NREP: variants seen among roughly 807,000 people sequenced by gnomAD.
The protein encoded by NREP is neuronal regeneration related protein.
NREP carries 5 observed loss-of-function variants against 8.6 expected under a neutral mutation model. The ratio of observed to expected loss-of-function variants is 0.58; its 90% CI spans 0.30 to 1.22. The LOEUF is 1.22. Among genes scored for constraint, NREP ranks in the 50% most tolerant of loss-of-function variants. NREP has a pLI of 0.07. For missense variants in NREP, 86 were observed against 82.5 expected, an observed-to-expected ratio of 1.04 and a Z score of -0.17; for synonymous variants, 27 against 28.0, an observed-to-expected ratio of 0.96 and a Z score of 0.11.
intron 2 of NREP, among the ~76,000 whole-genome samples, chr5:111,851,115 T>G (rs548474742): frequency 7.2e-5 from 11 of 152,186 alleles, no homozygotes; most frequent in Non-Finnish European, 1.5e-4. Context: ...AGATATAGTT[T>G]CTTCTGCCTC....
At chr5:111,958,382 A>C (rs1161908545) in intron 2 of NREP, among the ~76,000 whole-genome samples, 1 of 151,988 alleles carries the variant, frequency 6.6e-6, no homozygotes, top group Non-Finnish European at 1.5e-5. Context: ...AAGAAGAAAC[A>C]AAATTGTCAC....
chr5:111,795,396 T>C (rs1751852437), intron 2 of NREP, among the ~76,000 whole-genome samples: 1 of 152,194 alleles, frequency 6.6e-6, no homozygotes, highest in South Asian at 2.1e-4. Flanking sequence ...TGGCCATCAT[T>C]TGGCAAACTC....
At chr5:111,811,611 G>A (rs995946419) in intron 2 of NREP, among the ~76,000 whole-genome samples, 2 of 152,188 alleles carry the variant, frequency 1.3e-5, no homozygotes, top group African/African-American at 4.8e-5. Flanking sequence ...GTCCAGAAGG[G>A]AGTGCTGCCC....
intron 2 of NREP, among the ~76,000 whole-genome samples, chr5:111,776,188 T>C (rs1027303784): frequency 1.3e-5 from 2 of 152,166 alleles, no homozygotes; most frequent in South Asian, 2.1e-4. Flanking sequence ...AGTAAATTCA[T>C]GTCATAATTT....
intron 2 of NREP, among the ~76,000 whole-genome samples, chr5:111,963,809 A>G (rs1249690137): frequency 1.3e-5 from 2 of 152,228 alleles, no homozygotes; most frequent in Non-Finnish European, 2.9e-5. Context: ...CATGGTCAAA[A>G]CAAGAAAAAT....
chr5:111,832,006 C>T (rs536336883), intron 2 of NREP, among the ~76,000 whole-genome samples: 9 of 152,192 alleles, frequency 5.9e-5, no homozygotes, highest in African/African-American at 1.2e-4. Flanking sequence ...GTTATAAGAA[C>T]GCTTTCTACC....
chr5:111,962,018 A>G (rs1341915643), intron 2 of NREP, among the ~76,000 whole-genome samples: 1 of 152,212 alleles, frequency 6.6e-6, no homozygotes, highest in Non-Finnish European at 1.5e-5. Flanking sequence ...TTCAGGCTCC[A>G]GTCAAGTGTT....
At chr5:111,837,451 CAT>C (rs1381714073) in intron 2 of NREP, among the ~76,000 whole-genome samples, 2 of 151,832 alleles carry the variant, frequency 1.3e-5, no homozygotes, top group African/African-American at 2.4e-5. Flanking sequence ...GAAAAAAATC[CAT>C]GAGTTGATAA....
At chr5:111,849,541 A>G (rs534779498) in intron 2 of NREP, among the ~76,000 whole-genome samples, 13 of 152,264 alleles carry the variant, frequency 8.5e-5, no homozygotes, top group African/African-American at 3.1e-4. Context: ...CAGTATGGAC[A>G]ATGAATTGGA....
At chr5:111,813,873 G>A (rs576036881) in intron 2 of NREP, among the ~76,000 whole-genome samples, 12 of 152,050 alleles carry the variant, frequency 7.9e-5, no homozygotes, top group African/African-American at 2.7e-4. Context: ...AATTCTTTTG[G>A]TATATACTAT....
At chr5:111,940,798 T>G (rs184511219) in intron 2 of NREP, among the ~76,000 whole-genome samples, 5 of 152,070 alleles carry the variant, frequency 3.3e-5, no homozygotes, top group Non-Finnish European at 7.4e-5. Flanking sequence ...GAGACCACAC[T>G]CATGCCCCAA....
chr5:111,910,642 C>T (rs17133882), intron 2 of NREP, among the ~76,000 whole-genome samples: 1 of 151,902 alleles, frequency 6.6e-6, no homozygotes, highest in African/African-American at 2.4e-5. Context: ...GATTTGGGCA[C>T]TATCAAAGCA....
At chr5:111,861,738 C>T (rs1324969223) in intron 2 of NREP, among the ~76,000 whole-genome samples, 14 of 152,102 alleles carry the variant, frequency 9.2e-5, no homozygotes, top group Admixed American at 8.5e-4. Flanking sequence ...ATAACAATAG[C>T]TTGGATATAG....
chr5:111,873,576 C>A (rs1388666311), intron 2 of NREP, among the ~76,000 whole-genome samples: 1 of 152,168 alleles, frequency 6.6e-6, no homozygotes, highest in African/African-American at 2.4e-5. Context: ...CTGGCCCCTT[C>A]CTCCATCTTC....
At chr5:111,832,464 G>A (rs1752794961) in intron 2 of NREP, among the ~76,000 whole-genome samples, 2 of 152,086 alleles carry the variant, frequency 1.3e-5, no homozygotes, top group South Asian at 2.1e-4. Flanking sequence ...AATCTGGGAC[G>A]AGCTTGCAAT....
intron 2 of NREP, among the ~76,000 whole-genome samples, chr5:111,879,976 T>A (rs1189647570): frequency 6.6e-6 from 1 of 152,212 alleles, no homozygotes; most frequent in African/African-American, 2.4e-5. Context: ...GGGCTGGGGC[T>A]TCAACATATG....
At chr5:111,926,290 G>C (rs562942442) in intron 2 of NREP, among the ~76,000 whole-genome samples, 27 of 152,188 alleles carry the variant, frequency 1.8e-4, no homozygotes, top group African/African-American at 6.5e-4. Context: ...GGATAATGGG[G>C]ACAAGAGGAG....
intron 2 of NREP, among the ~76,000 whole-genome samples, chr5:111,968,410 T>C (rs1350235366): frequency 6.6e-6 from 1 of 152,158 alleles, no homozygotes; most frequent in Non-Finnish European, 1.5e-5. Flanking sequence ...CATGTTTAGT[T>C]TGAATAAAAG....
chr5:111,833,698 T>G (rs975364542), intron 2 of NREP, among the ~76,000 whole-genome samples: 3 of 152,178 alleles, frequency 2.0e-5, no homozygotes, highest in African/African-American at 7.2e-5. Context: ...CTAAGACTAC[T>G]TGAACAGATT....
Sources: gnomAD v4.1 joint callset for allele counts (sites outside exome capture counted in the v4.1 genomes callset) on GRCh38, gnomAD v4.1.1 for gene constraint, MANE v1.5 for transcripts, NCBI Gene and HGNC (gene_info 2026-07-23, HGNC 2026-07-21) for gene names.